Variants in CLASP1 observed in about 807,000 individuals in gnomAD.
The protein encoded by CLASP1 is cytoplasmic linker associated protein 1.
CLASP1 carries 38 observed loss-of-function variants against 192.3 expected under a neutral mutation model. The observed-to-expected ratio is 0.20, with a 90% CI of 0.15 to 0.26. The LOEUF (loss-of-function observed/expected upper bound fraction) is 0.26, where lower values mean the gene tolerates loss of function less well. Among genes scored for constraint, CLASP1 ranks in the 10% least tolerant of loss-of-function variants. The pLI, the probability that CLASP1 is intolerant of heterozygous loss-of-function variation, is 1.00. For missense variants in CLASP1, 1,433 were observed against 1,932.5 expected (o/e 0.74, Z 4.85); for synonymous variants, 691 against 712.8 (o/e 0.97, Z 0.49).
rs2094618530 is a variant in CLASP1 at position 121,527,969 on chromosome 2, G to A, written c.379-79C>T. 45 of 1,144,862 alleles carry A rather than the reference G, an allele frequency of 3.9e-5. No homozygotes were observed. In the Middle Eastern group the frequency reaches 5.8e-4, roughly 15 times the overall value. The allele number at this position is 1,144,862 out of a possible 1,614,324, so 70.9% of individuals were successfully genotyped here. On this transcript the variant is annotated intron_variant, in intron 4 of 39. Transcript: ENST00000263710. ...TTTATAAGGGAGCAATAGAAGGCAA[G>A]CCTCTTAACGAGCGCCAAATTAGTC... is the stretch of plus-strand genomic sequence containing the variant.
intron 19 of CLASP1, chr2:121,445,052 A>G: frequency 1.4e-6 from 1 of 738,954 alleles, no homozygotes; most frequent in South Asian, 1.5e-5. Context: ...ATTAGCTACT[A>G]AAAAAGCAAA....
intron 1 of CLASP1, among the ~76,000 whole-genome samples, chr2:121,623,954 G>T (rs1278656228): frequency 6.6e-6 from 1 of 152,164 alleles, no homozygotes; most frequent in African/African-American, 2.4e-5. Flanking sequence ...GCATAAAATG[G>T]TTCCTAGTAT....
chr2:121,422,901 GAA>G (rs998221081), intron 22 of CLASP1, among the ~76,000 whole-genome samples: 1 of 152,002 alleles, frequency 6.6e-6, no homozygotes, highest in African/African-American at 2.4e-5. Flanking sequence ...GGGAATTATA[GAA>G]AATATTCCTA....
At chr2:121,487,972 C>T (rs1213106756) in intron 8 of CLASP1, among the ~76,000 whole-genome samples, 3 of 152,138 alleles carry the variant, frequency 2.0e-5, no homozygotes, top group African/African-American at 7.2e-5. Context: ...TCAGTTGACT[C>T]CTGTGTCTCT....
intron 24 of CLASP1, among the ~76,000 whole-genome samples, chr2:121,408,218 G>A (rs756171885): frequency 6.6e-6 from 1 of 152,144 alleles, no homozygotes; most frequent in African/African-American, 2.4e-5. Context: ...ACAGTCTATG[G>A]GTAAACTTGT....
chr2:121,644,260 G>T (rs1324989646), intron 1 of CLASP1, among the ~76,000 whole-genome samples: 1 of 151,724 alleles, frequency 6.6e-6, no homozygotes, highest in Admixed American at 6.6e-5. Context: ...AAAATCATTG[G>T]TTCAGTTTCC....
At chr2:121,603,463 T>C (rs754477014) in intron 2 of CLASP1, among the ~76,000 whole-genome samples, 1 of 152,176 alleles carries the variant, frequency 6.6e-6, no homozygotes, top group Non-Finnish European at 1.5e-5. Context: ...AAGGGAACTC[T>C]TATACACTGC....
intron 19 of CLASP1, among the ~76,000 whole-genome samples, chr2:121,445,137 T>C (rs2084087832): frequency 6.6e-6 from 1 of 152,216 alleles, no homozygotes; most frequent in South Asian, 2.1e-4. Flanking sequence ...TAAGTGTGCC[T>C]TGTATTGAAA....
intron 8 of CLASP1, among the ~76,000 whole-genome samples, chr2:121,472,977 T>C (rs1418331552): frequency 6.6e-6 from 1 of 152,166 alleles, no homozygotes; most frequent in Non-Finnish European, 1.5e-5. Context: ...AAACAAAGCA[T>C]GATATTCCTA....
intron 9 of CLASP1, among the ~76,000 whole-genome samples, chr2:121,465,829 A>G: frequency 6.6e-6 from 1 of 152,224 alleles, no homozygotes; most frequent in Non-Finnish European, 1.5e-5. Context: ...AGAGATATAG[A>G]TCAATGAAAC....
At chr2:121,642,403 A>C (rs1009351897) in intron 1 of CLASP1, among the ~76,000 whole-genome samples, 3 of 138,326 alleles carry the variant, frequency 2.2e-5, no homozygotes, top group Non-Finnish European at 3.1e-5. Flanking sequence ...CTTTTTGCTA[A>C]AAAAAAAAAA....
At chr2:121,485,588 G>A (rs1283296493) in intron 8 of CLASP1, among the ~76,000 whole-genome samples, 3 of 152,170 alleles carry the variant, frequency 2.0e-5, no homozygotes, top group African/African-American at 7.2e-5. Context: ...CATGAGCTGG[G>A]TACGGTGGCT....
At chr2:121,398,297 A>ATTGTAATTAT in intron 29 of CLASP1, 25 bp downstream of exon 30, 1 of 1,537,188 alleles carries the variant, frequency 6.5e-7, no homozygotes, top group Non-Finnish European at 8.9e-7. Context: ...CCAGGGTTGA[A>ATTGTAATTAT]TTGTAATGAC....
At chr2:121,519,041 C>A (rs1355963582) in intron 6 of CLASP1, among the ~76,000 whole-genome samples, 1 of 152,158 alleles carries the variant, frequency 6.6e-6, no homozygotes, top group Admixed American at 6.5e-5. Flanking sequence ...AATACCCAGG[C>A]AGCTACTTAG....
chr2:121,421,604 G>A (rs954850208), intron 22 of CLASP1, among the ~76,000 whole-genome samples: 12 of 152,104 alleles, frequency 7.9e-5, no homozygotes, highest in African/African-American at 2.4e-4. Context: ...AATGTGTGGC[G>A]CAATCTCGGC....
intron 2 of CLASP1, among the ~76,000 whole-genome samples, chr2:121,570,394 C>G (rs906150197): frequency 7.2e-5 from 11 of 152,240 alleles, no homozygotes; most frequent in African/African-American, 2.7e-4. Flanking sequence ...AAAAGGTTTT[C>G]CTTCTCAAAG....
At chr2:121,529,606 G>C (rs1342336815) in intron 3 of CLASP1, among the ~76,000 whole-genome samples, 5 of 152,184 alleles carry the variant, frequency 3.3e-5, no homozygotes, top group Non-Finnish European at 7.3e-5. Context: ...TGAAACACCG[G>C]AGGTCAGGAA....
chr2:121,444,538 A>G (rs1170396441), intron 19 of CLASP1, among the ~76,000 whole-genome samples: 1 of 152,214 alleles, frequency 6.6e-6, no homozygotes, highest in Non-Finnish European at 1.5e-5. Context: ...GCAAATCCTG[A>G]GAGGCCCACA....
At chr2:121,481,708 C>A (rs1188694680) in intron 8 of CLASP1, among the ~76,000 whole-genome samples, 1 of 152,202 alleles carries the variant, frequency 6.6e-6, no homozygotes, top group Non-Finnish European at 1.5e-5. Context: ...ACTCCCAGAG[C>A]ACCAGTCTTG....
Sources: allele counts gnomAD v4.1 joint callset (sites outside exome capture counted in the v4.1 genomes callset), GRCh38; gene constraint gnomAD v4.1.1; transcripts MANE v1.5; gene names NCBI Gene and HGNC (gene_info 2026-07-23, HGNC 2026-07-21).